Variants in THSD7A observed in about 807,000 individuals in gnomAD.
The protein encoded by THSD7A is thrombospondin type-1 domain-containing protein 7A.
A neutral mutation model predicts 231.3 loss-of-function variants in THSD7A; 96 were observed. That is an observed-to-expected ratio of 0.41 (90% CI 0.35 to 0.49). The LOEUF (loss-of-function observed/expected upper bound fraction) is 0.49, where lower values mean the gene tolerates loss of function less well. Ranked by LOEUF, THSD7A falls within the 20% of genes least tolerant of loss-of-function variation. The pLI is 0.05. For missense variants in THSD7A, 2,290 were observed against 2,070.2 expected, an observed-to-expected ratio of 1.11 and a Z score of -2.06; for synonymous variants, 940 against 743.3, an observed-to-expected ratio of 1.26 and a Z score of -4.30.
chr7:11,474,311 T>C lies in THSD7A; in HGVS notation c.2252+23A>G, dbSNP rs372445073. 3.2e-6 allele frequency: 5 copies of C among 1,586,870 alleles called. No homozygotes were observed. Among genetic ancestry groups the C allele is most frequent in the African/African-American group, 1.3e-5 (1 of 74,584 alleles). ...CTGCACAGGTGGCTACACGATTTAC[T>C]GTTGTCATTCTAAAGCTCTTACTTT... is the stretch of plus-strand genomic sequence containing the variant. On this transcript the variant is annotated intron_variant, in intron 8 of 27. Coordinates refer to ENST00000423059, the MANE Select transcript of THSD7A (RefSeq NM_015204.3). This position sits in a 1 kb window ranked among gnomAD's most constrained non-coding sequence, Gnocchi z 4.1.
Position 11,738,340 on chromosome 7 carries a change from T to C in THSD7A, c.190+93417A>G, listed in dbSNP as rs191843312. The stretch of plus-strand genomic sequence containing the variant: ...TTTCAGATTTCAGTGTTTTCTGATT[T>C]TGGAGGCTCAACTTTTATTCATAAT... On this transcript the variant is annotated intron_variant, in intron 1 of 27. Coordinates refer to ENST00000423059, the MANE Select transcript of THSD7A (RefSeq NM_015204.3). 2.4e-3 allele frequency among the ~76,000 whole-genome samples: 358 copies of C among 152,170 alleles called. 2 individuals carry two copies. The highest frequency in any genetic ancestry group is 4.0e-3 in the Non-Finnish European group (274 of 67,964).
intron 1 of THSD7A, among the ~76,000 whole-genome samples, chr7:11,702,111 T>A (rs1188476513): frequency 1.3e-5 from 2 of 151,232 alleles, no homozygotes; most frequent in Non-Finnish European, 3.0e-5. Context: ...TCAGAAAGCG[T>A]ATGACTGTAT....
intron 4 of THSD7A, among the ~76,000 whole-genome samples, chr7:11,580,760 A>T (rs1487737726): frequency 6.6e-6 from 1 of 152,106 alleles, no homozygotes; most frequent in Non-Finnish European, 1.5e-5. Context: ...GAGGGAGAGG[A>T]TCAGGAAAAA....
chr7:11,534,528 T>G (rs147955313), intron 6 of THSD7A, among the ~76,000 whole-genome samples: 4 of 152,274 alleles, frequency 2.6e-5, no homozygotes, highest in African/African-American at 9.6e-5. Flanking sequence ...CTTGGACCTT[T>G]CAGCCATAGT....
At chr7:11,534,338 G>T (rs1788827919) in intron 6 of THSD7A, among the ~76,000 whole-genome samples, 1 of 152,190 alleles carries the variant, frequency 6.6e-6, no homozygotes, top group Non-Finnish European at 1.5e-5. Flanking sequence ...TGTGGACGAA[G>T]TGATATTGTG....
chr7:11,811,411 T>G (rs1784525268), intron 1 of THSD7A, among the ~76,000 whole-genome samples: 1 of 152,178 alleles, frequency 6.6e-6, no homozygotes, highest in Non-Finnish European at 1.5e-5. Flanking sequence ...CTCAAGAGAC[T>G]TTTTTACATT....
rs1782386037 is a variant in THSD7A, at chr7:11,378,835, T to G, written c.4801+235A>C. On this transcript the variant is annotated intron_variant, in intron 26 of 27. Transcript: ENST00000423059. ...TGGACTGGAATTGAATTGAATTATA[T>G]TGATCCAAAATTTTTTCTCAGAAGA... The G allele has an allele frequency of 9.9e-6, 5 of 505,974 alleles. No individual in the cohort carries two copies. The East Asian group carries it at 1.3e-4, about 13-fold the overall frequency. 31.3% of individuals were successfully genotyped at this position (505,974 alleles called of 1,614,324 possible). A position where few individuals can be genotyped will look rare whatever the true frequency, so the allele number is the denominator to read the frequency against.
chr7:11,566,836 T>C (rs1174871447), intron 4 of THSD7A, among the ~76,000 whole-genome samples: 1 of 152,070 alleles, frequency 6.6e-6, no homozygotes, highest in African/African-American at 2.4e-5. Context: ...AATTCAAAAA[T>C]ATTTGTCATT....
intron 1 of THSD7A, among the ~76,000 whole-genome samples, chr7:11,818,283 T>A (rs1395986866): frequency 6.6e-6 from 1 of 152,236 alleles, no homozygotes; most frequent in African/African-American, 2.4e-5. Context: ...TTAAACTATT[T>A]TAGCTACATA....
intron 1 of THSD7A, among the ~76,000 whole-genome samples, chr7:11,661,925 T>C (rs545349835): frequency 2.3e-4 from 35 of 151,128 alleles, no homozygotes; most frequent in Non-Finnish European, 4.9e-4. Flanking sequence ...TAGGATGTGA[T>C]AGAATTATTA....
At chr7:11,376,515 G>A (rs1782280447) in intron 27 of THSD7A, 55 bp downstream of exon 27, 1 of 1,333,732 alleles carries the variant, frequency 7.5e-7, no homozygotes, top group Non-Finnish European at 1.0e-6. Context: ...TTAGTTTGCT[G>A]TTTCTGTGTT....
At chr7:11,734,737 A>C (rs557676644) in intron 1 of THSD7A, among the ~76,000 whole-genome samples, 1 of 152,044 alleles carries the variant, frequency 6.6e-6, no homozygotes, top group South Asian at 2.1e-4. Context: ...TTTTCCCCAT[A>C]TTCAGGGATT....
chr7:11,779,896 A>C (rs1303849877), intron 1 of THSD7A, among the ~76,000 whole-genome samples: 2 of 152,236 alleles, frequency 1.3e-5, no homozygotes, highest in African/African-American at 4.8e-5. Flanking sequence ...TCAGAATATG[A>C]GTGTGGGAAC....
chr7:11,595,798 A>T (rs1272054278), intron 2 of THSD7A, among the ~76,000 whole-genome samples: 1 of 152,244 alleles, frequency 6.6e-6, no homozygotes, highest in Non-Finnish European at 1.5e-5. Flanking sequence ...AATGAGAATA[A>T]TTGGATCCTG....
chr7:11,543,645 C>T (rs1003925028), intron 4 of THSD7A, among the ~76,000 whole-genome samples: 1 of 152,112 alleles, frequency 6.6e-6, no homozygotes, highest in Non-Finnish European at 1.5e-5. Context: ...TCTCTGTACC[C>T]CCCAGCTACA....
intron 4 of THSD7A, among the ~76,000 whole-genome samples, chr7:11,563,111 T>C (rs1000639474): frequency 5.3e-5 from 8 of 152,204 alleles, no homozygotes; most frequent in African/African-American, 1.9e-4. Flanking sequence ...GAGATGTTCC[T>C]GTACTAAACT....
rs546853666 is a variant in THSD7A, at chr7:11,826,820, A to C, written c.190+4937T>G. Among the ~76,000 whole-genome samples, 57 of 151,768 alleles carry C rather than the reference A, an allele frequency of 3.8e-4. 1 individual carries two copies. In the South Asian group the frequency reaches 0.012, roughly 32 times the overall value. ...AGAGTGAGCCTCTGTCTCAAAAAAA[A>C]AAAAAAAAAAAAATGCAAATGCCAT... On this transcript the variant is annotated intron_variant, in intron 1 of 27. Coordinates refer to ENST00000423059, the MANE Select transcript of THSD7A (RefSeq NM_015204.3).
At chr7:11,816,226 A>C (rs373726376) in intron 1 of THSD7A, among the ~76,000 whole-genome samples, 3 of 152,212 alleles carry the variant, frequency 2.0e-5, no homozygotes, top group Admixed American at 6.6e-5. Context: ...AATAGGTACT[A>C]AGTGCCTGCC....
intron 1 of THSD7A, among the ~76,000 whole-genome samples, chr7:11,732,727 G>T (rs920359990): frequency 1.1e-4 from 17 of 151,866 alleles, no homozygotes; most frequent in African/African-American, 3.9e-4. Context: ...TAGATGTAAG[G>T]GTTGTGGCAG....
Sources: gnomAD v4.1 joint callset for allele counts (sites outside exome capture counted in the v4.1 genomes callset) on GRCh38, gnomAD v4.1.1 for gene constraint, Gnocchi (gnomAD v3.1) non-coding constraint, MANE v1.5 for transcripts, NCBI Gene and HGNC (gene_info 2026-07-23, HGNC 2026-07-21) for gene names.